NFIX: variants seen among roughly 807,000 people sequenced by gnomAD.
NFIX encodes the protein nuclear factor 1 X-type.
Under a neutral mutation model 53.3 loss-of-function variants are expected in NFIX, and 2 were observed. The observed-to-expected ratio is 0.04, with a 90% CI of 0.02 to 0.12. The LOEUF (loss-of-function observed/expected upper bound fraction) is 0.12, where lower values mean the gene tolerates loss of function less well. Among genes scored for constraint, NFIX ranks in the 10% least tolerant of loss-of-function variants. The pLI is 1.00. For missense variants in NFIX, 310 were observed against 674.5 expected (o/e 0.46, Z 5.99); for synonymous variants, 244 against 289.0 (o/e 0.84, Z 1.58).
At chr19:13,070,001 C>T (rs1238847406) in intron 2 of NFIX, 1 of 152,280 alleles carries the variant, frequency 6.6e-6, no homozygotes, top group Non-Finnish European at 1.5e-5. Flanking sequence ...TGGAGATGCT[C>T]TGCAGCTCCT....
In NFIX at chr19:13,090,845, G is replaced by T. The variant is rs1234604028; in HGVS notation, c.1494+455G>T. On this transcript the variant is annotated intron_variant, in intron 10 of 10. Coordinates refer to ENST00000592199, the MANE Select transcript of NFIX (RefSeq NM_001365902.3). The surrounding 1 kb of genome is among the most constrained non-coding windows in gnomAD (Gnocchi z 6.6). The stretch of plus-strand genomic sequence containing the variant: ...AGGGACAGAGGGCCTGGTGGGCTGC[G>T]TGCCCAGAACTGGCACTGAGGGCAG... 6.6e-6 allele frequency among the ~76,000 whole-genome samples: 1 copy of T among 152,196 alleles called. No individual in the cohort carries two copies. The highest frequency in any genetic ancestry group is 1.5e-5 in the Non-Finnish European group (1 of 68,024).
At chr19:13,042,355 C>T (rs1599771877) in intron 2 of NFIX, among the ~76,000 whole-genome samples, 11 of 100,580 alleles carry the variant, frequency 1.1e-4, no homozygotes, top group Admixed American at 2.7e-4. Context: ...CTTTTACATG[C>T]TTTTTTTTTT....
chr19:13,069,931 C>CTCCTT (rs2016672055), intron 2 of NFIX: 1 of 152,286 alleles, frequency 6.6e-6, no homozygotes, highest in African/African-American at 2.4e-5. Flanking sequence ...CCTTTCTGTC[C>CTCCTT]CAAATCCCAG....
chr19:13,017,057 G>A (rs1489847191), intron 1 of NFIX, among the ~76,000 whole-genome samples: 1 of 152,202 alleles, frequency 6.6e-6, no homozygotes, highest in African/African-American at 2.4e-5. Flanking sequence ...AGTTCGTTAG[G>A]ACGTTGGGTC....
chr19:13,012,912 T>G lies in NFIX; in HGVS notation c.28-12109T>G, dbSNP rs1014731461. On this transcript the variant is annotated intron_variant, in intron 1 of 10. Transcript: ENST00000592199. This position sits in a 1 kb window ranked among gnomAD's most constrained non-coding sequence, Gnocchi z 5.0. The stretch of plus-strand genomic sequence containing the variant: ...TTTGGGGGAGTAAAGGCGGGGAAAT[T>G]TACCAGGGGAGATTTTTGTTTCCAG... 6.6e-6 allele frequency among the ~76,000 whole-genome samples: 1 copy of G among 151,180 alleles called. No homozygotes were observed. Among genetic ancestry groups the G allele is most frequent in the Non-Finnish European group, 1.5e-5 (1 of 67,680 alleles).
intron 1 of NFIX, among the ~76,000 whole-genome samples, chr19:12,999,653 G>T (rs535046541): frequency 4.6e-5 from 7 of 152,136 alleles, no homozygotes; most frequent in Non-Finnish European, 8.8e-5. Flanking sequence ...AGCGACCTAC[G>T]CCCATTTTCC....
rs538029146 is a variant in NFIX, at chr19:13,044,926, T to C, written c.559+19374T>C. Among the ~76,000 whole-genome samples the C allele has an allele frequency of 3.9e-5, 6 of 152,058 alleles. No homozygotes were observed. In the East Asian group the frequency reaches 9.6e-4, roughly 24 times the overall value. The stretch of plus-strand genomic sequence containing the variant: ...CAACCCTTCCCGGGGGCTAAGGAGA[T>C]CTGGGACAAGAGGCAGGTCAGGTTC... On this transcript the variant is annotated intron_variant, in intron 2 of 10. Transcript: ENST00000592199.
chr19:13,041,363 G>A (rs1267091010), intron 2 of NFIX, among the ~76,000 whole-genome samples: 4 of 152,168 alleles, frequency 2.6e-5, no homozygotes, highest in Non-Finnish European at 4.4e-5. Context: ...CATGAAGTCA[G>A]GGGGTGGAAA....
At chr19:13,084,735 T>A (rs16978877) in intron 8 of NFIX, among the ~76,000 whole-genome samples, 5,130 of 152,168 alleles carry the variant, frequency 0.034, 98 homozygotes, top group Middle Eastern at 0.082. Context: ...CTTACCATCA[T>A]TGTCTGAACA....
rs574923905 is a variant in NFIX at position 13,068,127 on chromosome 19, CA to C, written c.560-4914del. ...CTCAAAAAAAAAACAAAAACAAAAACAAAAAACAAAAACATGCTGTCAGTTG... is the reference window on the plus strand; with the variant it reads ...CTCAAAAAAAAAACAAAAACAAAAACAAAAACAAAAACATGCTGTCAGTTG... On this transcript the variant is annotated intron_variant, in intron 2 of 10. Coordinates refer to ENST00000592199, the MANE Select transcript of NFIX (RefSeq NM_001365902.3). The surrounding 1 kb of genome is among the most constrained non-coding windows in gnomAD (Gnocchi z 4.2). Among the ~76,000 whole-genome samples the C allele has an allele frequency of 8.4e-4, 127 of 151,784 alleles. No homozygotes were observed. Among genetic ancestry groups the C allele is most frequent in the Non-Finnish European group, 1.5e-3 (104 of 67,880 alleles).
intron 5 of NFIX, 37 bp from the exon 6 acceptor site, chr19:13,075,498 C>T: frequency 6.2e-6 from 10 of 1,609,070 alleles, no homozygotes; most frequent in Non-Finnish European, 8.5e-6. Context: ...AGCCTCAGCC[C>T]ATCCTTGGCC....
intron 1 of NFIX, among the ~76,000 whole-genome samples, chr19:13,018,115 T>C (rs2012762492): frequency 6.6e-6 from 1 of 152,180 alleles, no homozygotes; most frequent in Non-Finnish European, 1.5e-5. Context: ...TTCCCATTCC[T>C]TGTAGAGGAT....
intron 1 of NFIX, among the ~76,000 whole-genome samples, chr19:13,019,701 A>T (rs1164396763): frequency 6.8e-6 from 1 of 146,384 alleles, no homozygotes; most frequent in Non-Finnish European, 1.5e-5. Context: ...TTTCAGTGAA[A>T]ACTGTTGCTG....
At position 13,001,470 on chromosome 19, in the gene NFIX, G is replaced by A. The variant is rs940700840; in HGVS notation, c.27+5606G>A. Among the ~76,000 whole-genome samples, 7 of 152,046 alleles carry A rather than the reference G, an allele frequency of 4.6e-5. No homozygotes were observed. The highest frequency in any genetic ancestry group is 1.2e-4 in the African/African-American group (5 of 41,362). ...TCTGTGTCACGGTGGCGCTGCGCAC[G>A]TCAACGGGTATTGGTGTACCGGTCA... On this transcript the variant is annotated intron_variant, in intron 1 of 10. Transcript: ENST00000592199. This position sits in a 1 kb window ranked among gnomAD's most constrained non-coding sequence, Gnocchi z 6.5.
In NFIX at chr19:13,088,383, T is replaced by G. The variant is rs2017920727; in HGVS notation, c.1402+247T>G. Among the ~76,000 whole-genome samples, 1 of 150,056 alleles carries G rather than the reference T, an allele frequency of 6.7e-6. No individual in the cohort carries two copies. The highest frequency in any genetic ancestry group is 1.5e-5 in the Non-Finnish European group (1 of 67,478). On this transcript the variant is annotated intron_variant, in intron 9 of 10. Coordinates refer to ENST00000592199, the MANE Select transcript of NFIX (RefSeq NM_001365902.3). This position sits in a 1 kb window ranked among gnomAD's most constrained non-coding sequence, Gnocchi z 5.9. ...CCGGGGCCCCTGGCCCAGGCCCCTC[T>G]GGGGGGCGGGAGGGAGAGCACAGCT...
intron 5 of NFIX, among the ~76,000 whole-genome samples, chr19:13,075,044 T>G (rs921664170): frequency 8.2e-6 from 1 of 121,634 alleles, no homozygotes; most frequent in African/African-American, 3.4e-5. Context: ...CACTCCAGCC[T>G]GGGTGACAGA....
At chr19:13,064,780 A>G (rs567781849) in intron 2 of NFIX, among the ~76,000 whole-genome samples, 1 of 152,206 alleles carries the variant, frequency 6.6e-6, no homozygotes, top group Non-Finnish European at 1.5e-5. Flanking sequence ...GGGAGGTGGC[A>G]TTTGAACAGA....
rs2012019064 is a variant in NFIX, at chr19:13,006,442, A to T, written c.27+10578A>T. Among the ~76,000 whole-genome samples the T allele has an allele frequency of 6.6e-6, 1 of 152,176 alleles. No homozygotes were observed. Among genetic ancestry groups the T allele is most frequent in the South Asian group, 2.1e-4 (1 of 4,828 alleles). On this transcript the variant is annotated intron_variant, in intron 1 of 10. Coordinates refer to ENST00000592199, the MANE Select transcript of NFIX (RefSeq NM_001365902.3). This position sits in a 1 kb window ranked among gnomAD's most constrained non-coding sequence, Gnocchi z 5.6. ...GGATATGCCATACGGTGCCCGCCCAAAATCTGGGGACAAGATGGCCGAGGC... is the reference window on the plus strand; with the variant it reads ...GGATATGCCATACGGTGCCCGCCCATAATCTGGGGACAAGATGGCCGAGGC...
At position 13,011,025 on chromosome 19, in the gene NFIX, C is replaced by A. The variant is rs185762896; in HGVS notation, c.28-13996C>A. ...TTTTTATATGTAAGAACCGCTCCCC[C>A]CTCTTCCCGCTCCACGTTTGTACTT... On this transcript the variant is annotated intron_variant, in intron 1 of 10. Coordinates refer to ENST00000592199, the MANE Select transcript of NFIX (RefSeq NM_001365902.3). The surrounding 1 kb of genome is among the most constrained non-coding windows in gnomAD (Gnocchi z 6.5). Among the ~76,000 whole-genome samples the A allele has an allele frequency of 2.3e-3, 350 of 152,322 alleles. 3 individuals carry two copies. The highest frequency in any genetic ancestry group is 8.1e-3 in the African/African-American group (336 of 41,570).
Sources: allele counts gnomAD v4.1 joint callset (sites outside exome capture counted in the v4.1 genomes callset), GRCh38; gene constraint gnomAD v4.1.1; non-coding constraint Gnocchi (gnomAD v3.1); transcripts MANE v1.5; gene names NCBI Gene and HGNC (gene_info 2026-07-23, HGNC 2026-07-21).